MYH14: variants seen among roughly 807,000 people sequenced by gnomAD.
MYH14 encodes myosin-14.
A neutral mutation model predicts 255.5 loss-of-function variants in MYH14; 123 were observed. The observed-to-expected ratio is 0.48, with a 90% CI of 0.42 to 0.56. The LOEUF (loss-of-function observed/expected upper bound fraction) is 0.56. Ranked by LOEUF, MYH14 falls within the 20% of genes least tolerant of loss-of-function variation. The probability of loss-of-function intolerance (pLI) is 0.00; values close to 1 mark genes in which losing one functional copy is unlikely to be tolerated. For missense variants in MYH14, 2,423 were observed against 2,802.3 expected (o/e 0.86, Z 3.06); for synonymous variants, 1,095 against 1,161.2 (o/e 0.94, Z 1.16).
intron 20 of MYH14, among the ~76,000 whole-genome samples, 161 bp downstream of exon 20, chr19:50,260,876 CGT>C (rs2034821317): frequency 6.7e-6 from 1 of 149,294 alleles, no homozygotes; most frequent in Non-Finnish European, 1.5e-5. Flanking sequence ...TGTGTGCATG[CGT>C]GTGTGTGCAT....
chr19:50,256,366 T>C (rs955139528), intron 17 of MYH14, among the ~76,000 whole-genome samples: 9 of 152,172 alleles, frequency 5.9e-5, no homozygotes, highest in African/African-American at 1.4e-4. Flanking sequence ...CAAGCGGCAC[T>C]AGAGAAAATA....
chr19:50,250,123 C>T lies in MYH14; in HGVS notation c.1656+300C>T, dbSNP rs1568498410. 1.3e-5 allele frequency among the ~76,000 whole-genome samples: 2 copies of T among 152,140 alleles called. No individual in the cohort carries two copies. Among genetic ancestry groups the T allele is most frequent in the African/African-American group, 2.4e-5 (1 of 41,410 alleles). ...GTTTTGTTTTGTTTTTTTCTTGAGA[C>T]GGAGTCTCGCTCTATCGCCCAGGCT... On this transcript the variant is annotated intron_variant, in intron 14 of 42. Transcript: ENST00000642316. This position sits in a 1 kb window ranked among gnomAD's most constrained non-coding sequence, Gnocchi z 5.4.
At position 50,268,175 on chromosome 19, in the gene MYH14, C is replaced by T. The variant is rs138987081; in HGVS notation, c.2841C>T (p.Arg947=). ...ACACTCCCCAGCTGGAAGAGGAGCG[C>T]GCCCGCCTGGCAGAGCAATTGCGAG... is the stretch of plus-strand genomic sequence containing the variant. The part of the protein sequence containing the change: ...QGRVAQLEEE[R]ARLAEQLRAE... Residue 947 remains arginine (R), a synonymous_variant, in exon 24 of 43, where the codon CGC becomes CGT. Transcript: ENST00000642316. 21,144 of 1,547,272 alleles carry T rather than the reference C, an allele frequency of 0.014. 183 individuals are homozygous for T. Among genetic ancestry groups the T allele is most frequent in the Non-Finnish European group, 0.016 (17,994 of 1,147,152 alleles).
At chr19:50,258,890 A>G (rs2034708771) in intron 18 of MYH14, among the ~76,000 whole-genome samples, 1 of 151,820 alleles carries the variant, frequency 6.6e-6, no homozygotes, top group African/African-American at 2.4e-5. Flanking sequence ...TCTCCTTAGC[A>G]CTTAGTATTT....
chr19:50,228,234 C>T (rs1034497391), intron 8 of MYH14, among the ~76,000 whole-genome samples: 6 of 149,812 alleles, frequency 4.0e-5, no homozygotes, highest in South Asian at 2.1e-4. Context: ...TGCAGTGAGC[C>T]GAGATCACGC....
chr19:50,263,435 G>T lies in MYH14; in HGVS notation c.2694+15G>T. The T allele has an allele frequency of 6.4e-7, 1 of 1,573,710 alleles. No individual in the cohort carries two copies. The highest frequency in any genetic ancestry group is 8.6e-7 in the Non-Finnish European group (1 of 1,157,938). ...TGTTTACCAAGGTGAGGGCAGCCTG[G>T]GGAGGTGGCCCCAGTAGGGAGAGGA... On this transcript the variant is annotated intron_variant, in intron 22 of 42. Coordinates refer to ENST00000642316, the MANE Select transcript of MYH14 (RefSeq NM_001145809.2).
At position 50,309,824 on chromosome 19, in the gene MYH14, G is replaced by C. The variant is rs2036797699; in HGVS notation, c.*34G>C. On this transcript the variant is annotated 3_prime_UTR_variant, in exon 43 of 43. Transcript: ENST00000642316. ...TGTCCCCAGATGCACTAACAGATGG[G>C]GCCCAGCCCCCTTCCTCCCTGGACC... 1 of 1,554,838 alleles carries C rather than the reference G, an allele frequency of 6.4e-7. No homozygotes were observed. Among genetic ancestry groups the C allele is most frequent in the African/African-American group, 1.4e-5 (1 of 73,252 alleles).
Position 50,281,858 on chromosome 19 carries a change from T to G in MYH14, c.4539+16T>G. 1.2e-6 allele frequency: 2 copies of G among 1,604,844 alleles called. No homozygotes were observed. The highest frequency in any genetic ancestry group is 1.7e-6 in the Non-Finnish European group (2 of 1,173,562). On this transcript the variant is annotated intron_variant, in intron 33 of 42. Coordinates refer to ENST00000642316, the MANE Select transcript of MYH14 (RefSeq NM_001145809.2). ...GTTTGACCAGGTGGGGCACCTCAGT[T>G]CACCCAGCCGGGGAATCAGCAAGTC...
In MYH14 at chr19:50,293,947, TAG is replaced by T. The variant is rs1220830829; in HGVS notation, c.5469+270_5469+271del. ...GATCATGGAAGTCTCCTGGGCCCAGTAGAGAGAGAGAAAAGACTTTCTGCAGG... is the reference window on the plus strand; with the variant it reads ...GATCATGGAAGTCTCCTGGGCCCAGTAGAGAGAGAAAAGACTTTCTGCAGG... On this transcript the variant is annotated intron_variant, in intron 39 of 42. Coordinates refer to ENST00000642316, the MANE Select transcript of MYH14 (RefSeq NM_001145809.2). This position sits in a 1 kb window ranked among gnomAD's most constrained non-coding sequence, Gnocchi z 4.1. Among the ~76,000 whole-genome samples the T allele has an allele frequency of 1.3e-5, 2 of 151,732 alleles. No homozygotes were observed. The highest frequency in any genetic ancestry group is 2.9e-5 in the Non-Finnish European group (2 of 67,936).
Position 50,230,332 on chromosome 19 carries a change from G to A in MYH14, c.875-193G>A, listed in dbSNP as rs554486614. On this transcript the variant is annotated intron_variant, in intron 8 of 42. Transcript: ENST00000642316. This position sits in a 1 kb window ranked among gnomAD's most constrained non-coding sequence, Gnocchi z 4.7. ...CCTTGAACAGGTAGATGAGGAAACT[G>A]AGGCACAAGTGCTTAAGTGACATGA... is the stretch of plus-strand genomic sequence containing the variant. Among the ~76,000 whole-genome samples the A allele has an allele frequency of 6.6e-6, 1 of 152,322 alleles. No homozygotes were observed. The highest frequency in any genetic ancestry group is 1.9e-4 in the East Asian group (1 of 5,174).
At chr19:50,238,957 A>C (rs2033777962) in intron 10 of MYH14, among the ~76,000 whole-genome samples, 1 of 152,182 alleles carries the variant, frequency 6.6e-6, no homozygotes, top group Non-Finnish European at 1.5e-5. Flanking sequence ...AGTTCAGCAC[A>C]GCACTGTTAT....
At chr19:50,261,730 GGGT>G in intron 21 of MYH14, 95 bp downstream of exon 21, 1 of 1,257,180 alleles carries the variant, frequency 8.0e-7, no homozygotes, top group Non-Finnish European at 1.1e-6. Context: ...CCTCCAGGAT[GGGT>G]GCAGGGCTGA....
At chr19:50,262,603 G>A (rs1292074553) in intron 21 of MYH14, among the ~76,000 whole-genome samples, 2 of 151,974 alleles carry the variant, frequency 1.3e-5, no homozygotes, top group Non-Finnish European at 2.9e-5. Flanking sequence ...CAGGCTGAGT[G>A]GGGCCTTGTC....
intron 30 of MYH14, 119 bp downstream of exon 30, chr19:50,278,408 A>G: frequency 1.4e-6 from 1 of 711,790 alleles, no homozygotes; most frequent in South Asian, 2.5e-5. Context: ...CTTCCAACAT[A>G]ATCATGTACA....
In MYH14 at chr19:50,293,681, C is replaced by A; in HGVS notation, c.5463C>A (p.Leu1821=). The A allele has an allele frequency of 1.3e-6, 2 of 1,577,276 alleles. No individual in the cohort carries two copies. The highest frequency in any genetic ancestry group is 1.2e-5 in the South Asian group (1 of 85,112). ...TCAATGACCGCTACCGCAAGCTGCT[C>A]CTGCAGGTGAGCGTGATTGACCGCC... is the stretch of plus-strand genomic sequence containing the variant. The part of the protein sequence containing the change: ...ELLNDRYRKL[L]LQVESLTTEL... Residue 1821 remains leucine (L), a synonymous_variant, in exon 39 of 43, where the codon CTC becomes CTA. Coordinates refer to ENST00000642316, the MANE Select transcript of MYH14 (RefSeq NM_001145809.2). This position sits in a 1 kb window ranked among gnomAD's most constrained non-coding sequence, Gnocchi z 4.1.
At chr19:50,272,101 T>C (rs1237803413) in intron 26 of MYH14, 129 bp downstream of exon 26, 5 of 1,240,140 alleles carry the variant, frequency 4.0e-6, no homozygotes, top group African/African-American at 3.0e-5. Flanking sequence ...TCAGGGCAGA[T>C]TGAGTGTCCT....
chr19:50,223,667 G>GT (rs1794150415), intron 5 of MYH14, among the ~76,000 whole-genome samples: 1 of 152,206 alleles, frequency 6.6e-6, no homozygotes, highest in African/African-American at 2.4e-5. Flanking sequence ...CTAAGTGAAT[G>GT]TTATATGGTG....
intron 39 of MYH14, among the ~76,000 whole-genome samples, chr19:50,296,796 T>C (rs1402166749): frequency 6.6e-6 from 1 of 152,206 alleles, no homozygotes; most frequent in East Asian, 1.9e-4. Context: ...TGGCCCAAAG[T>C]GGGGCAAGTT....
rs779630814 is a variant in MYH14, at chr19:50,281,747, C to T, written c.4444C>T (p.Arg1482Trp). 14 of 1,612,102 alleles carry T rather than the reference C, an allele frequency of 8.7e-6. No individual in the cohort carries two copies. The highest frequency in any genetic ancestry group is 6.7e-5 in the Admixed American group (4 of 59,922). Residue 1482 changes from arginine to tryptophan, a missense_variant, in exon 33 of 43, where the codon CGG becomes TGG. Arg to Trp is a moderately radical substitution (Grantham distance 101). Transcript: ENST00000642316. ...TVDRLERGRRRLQQELDDATM... is the reference protein window; with the variant it reads ...TVDRLERGRRWLQQELDDATM... ...GGATCGGCTGGAGCGGGGCCGCCGC[C>T]GGCTGCAGCAGGAGCTGGACGACGC...
Sources: gnomAD v4.1 joint callset for allele counts (sites outside exome capture counted in the v4.1 genomes callset) on GRCh38, gnomAD v4.1.1 for gene constraint, Gnocchi (gnomAD v3.1) non-coding constraint, MANE v1.5 for transcripts, NCBI Gene and HGNC (gene_info 2026-07-23, HGNC 2026-07-21) for gene names.